HSD17B2: variants seen among roughly 807,000 people sequenced by gnomAD.
HSD17B2 encodes the protein hydroxysteroid 17-beta dehydrogenase 2, also known as 17-beta-hydroxysteroid dehydrogenase type 2.
In HSD17B2, 32 loss-of-function variants were observed where a neutral mutation model predicts 26.9. The observed-to-expected ratio is 1.19, with a 90% CI of 0.90 to 1.60. The LOEUF (loss-of-function observed/expected upper bound fraction) is 1.60. HSD17B2 is among the 40% of genes most tolerant of loss of function. The probability of loss-of-function intolerance (pLI) is 0.00; values close to 1 mark genes in which losing one functional copy is unlikely to be tolerated. For missense variants in HSD17B2, 613 were observed against 468.6 expected (o/e 1.31, Z -2.85); for synonymous variants, 246 against 186.7 (o/e 1.32, Z -2.59).
At chr16:82,068,122 C>T (rs1914613774) in intron 1 of HSD17B2, 48 bp from the exon 2 acceptor site, 3 of 1,464,430 alleles carry the variant, frequency 2.0e-6, no homozygotes, top group Admixed American at 1.7e-5. Flanking sequence ...ATATTTTCTC[C>T]TGTCACTCTG....
Position 82,035,579 on chromosome 16 carries a change from T to G in HSD17B2, c.155T>G (p.Leu52Arg). The G allele has an allele frequency of 6.2e-7, 1 of 1,614,096 alleles. No homozygotes were observed. The highest frequency in any genetic ancestry group is 8.5e-7 in the Non-Finnish European group (1 of 1,180,044). The part of the protein sequence containing the change: ...AGLCAVCLLI[L>R]SPFWGLILFS... Reference sequence around the variant, plus strand: ...CTCTGTGCAGTCTGCCTGCTCATCCTGTCCCCTTTTTGGGGCTTGATCCTC... The same window carrying G: ...CTCTGTGCAGTCTGCCTGCTCATCCGGTCCCCTTTTTGGGGCTTGATCCTC... The change falls in exon 1 of 5, where the codon CTG (leucine) becomes CGG (arginine). Residue 52 changes from leucine (L) to arginine (R), a missense_variant. Leu to Arg is a moderately radical substitution (Grantham distance 102). Coordinates refer to ENST00000199936, the MANE Select transcript of HSD17B2 (RefSeq NM_002153.3).
intron 3 of HSD17B2, among the ~76,000 whole-genome samples, chr16:82,076,268 T>C (rs1282037171): frequency 2.0e-5 from 3 of 152,132 alleles, no homozygotes; most frequent in Non-Finnish European, 4.4e-5. Flanking sequence ...ACAATAGACC[T>C]ATAGCTACTG....
At chr16:82,038,916 C>T (rs1913692944) in intron 1 of HSD17B2, among the ~76,000 whole-genome samples, 1 of 152,110 alleles carries the variant, frequency 6.6e-6, no homozygotes. Context: ...AGTCTTTATG[C>T]CTTCACACCA....
chr16:82,042,366 G>A (rs1597118857), intron 1 of HSD17B2, among the ~76,000 whole-genome samples: 1 of 151,960 alleles, frequency 6.6e-6, no homozygotes, highest in Non-Finnish European at 1.5e-5. Flanking sequence ...GTGCTGGGAT[G>A]ACAGGCGTGA....
rs1174914507 is a variant in HSD17B2 at position 82,045,142 on chromosome 16, A to AAG, written c.265+9459_265+9460dup. The stretch of plus-strand genomic sequence containing the variant: ...TGTCCAAAAAAAAAAAAAAAAAAAA[A>AAG]AGAGAGAAAAAAGAAAAGAAAATCA... On this transcript the variant is annotated intron_variant, in intron 1 of 4. Coordinates refer to ENST00000199936, the MANE Select transcript of HSD17B2 (RefSeq NM_002153.3). Among the ~76,000 whole-genome samples the AAG allele has an allele frequency of 4.0e-5, 6 of 150,624 alleles. No individual in the cohort carries two copies. In the East Asian group the frequency reaches 5.8e-4, roughly 15 times the overall value.
intron 1 of HSD17B2, among the ~76,000 whole-genome samples, chr16:82,064,029 C>T (rs1914513787): frequency 6.6e-6 from 1 of 152,126 alleles, no homozygotes; most frequent in Non-Finnish European, 1.5e-5. Context: ...TGAGCTGTTT[C>T]CCAGAACACA....
In HSD17B2 at chr16:82,039,903, C is replaced by T. The variant is rs7185224; in HGVS notation, c.265+4214C>T. 2.0e-3 allele frequency among the ~76,000 whole-genome samples: 312 copies of T among 152,218 alleles called. 2 individuals are homozygous for T. The highest frequency in any genetic ancestry group is 8.5e-3 in the South Asian group (41 of 4,814). ...GAAACCTCCAGGTTCATTCCCAAAG[C>T]GGATCCCAGGCAGACACAGGTCTTG... On this transcript the variant is annotated intron_variant, in intron 1 of 4. Coordinates refer to ENST00000199936, the MANE Select transcript of HSD17B2 (RefSeq NM_002153.3).
At chr16:82,084,913 G>A (rs759850009) in intron 3 of HSD17B2, among the ~76,000 whole-genome samples, 2 of 152,128 alleles carry the variant, frequency 1.3e-5, no homozygotes, top group African/African-American at 4.8e-5. Flanking sequence ...TTTTTGCCAT[G>A]GGGTCTCACT....
At chr16:82,078,959 G>C (rs960742025) in intron 3 of HSD17B2, among the ~76,000 whole-genome samples, 1 of 152,202 alleles carries the variant, frequency 6.6e-6, no homozygotes, top group African/African-American at 2.4e-5. Context: ...TGTACTATTT[G>C]ATAGCACAAC....
At chr16:82,036,485 A>C (rs1488214399) in intron 1 of HSD17B2, among the ~76,000 whole-genome samples, 1 of 151,894 alleles carries the variant, frequency 6.6e-6, no homozygotes, top group African/African-American at 2.4e-5. Context: ...CCTAACCCAG[A>C]AAGCCCTACC....
At chr16:82,048,432 A>G (rs1194834849) in intron 1 of HSD17B2, among the ~76,000 whole-genome samples, 2 of 152,368 alleles carry the variant, frequency 1.3e-5, no homozygotes, top group Non-Finnish European at 2.9e-5. Context: ...GTGCAAAGGC[A>G]GCAAGGAGAT....
chr16:82,066,712 T>A (rs377566624), intron 1 of HSD17B2, among the ~76,000 whole-genome samples: 1 of 152,136 alleles, frequency 6.6e-6, no homozygotes. Context: ...TCCTTCTTTT[T>A]TGCATTAAAA....
chr16:82,046,671 C>G (rs923542977), intron 1 of HSD17B2, among the ~76,000 whole-genome samples: 3 of 147,334 alleles, frequency 2.0e-5, no homozygotes, highest in African/African-American at 8.1e-5. Context: ...TTGCAGTGAG[C>G]TGATAATGGA....
intron 3 of HSD17B2, among the ~76,000 whole-genome samples, chr16:82,081,512 C>T (rs1394438718): frequency 6.6e-6 from 1 of 152,178 alleles, no homozygotes; most frequent in African/African-American, 2.4e-5. Flanking sequence ...TTGGGTGACA[C>T]TCCTGGAAAA....
chr16:82,058,290 C>A (rs1391054496), intron 1 of HSD17B2, among the ~76,000 whole-genome samples: 1 of 151,984 alleles, frequency 6.6e-6, no homozygotes, highest in Non-Finnish European at 1.5e-5. Flanking sequence ...AGGCTAGTCT[C>A]AAACTCCTGG....
intron 1 of HSD17B2, among the ~76,000 whole-genome samples, chr16:82,067,181 T>C (rs1035249227): frequency 6.6e-6 from 1 of 152,214 alleles, no homozygotes; most frequent in Non-Finnish European, 1.5e-5. Flanking sequence ...TGTACTCTGA[T>C]TTTCCTTATT....
At chr16:82,047,964 G>A (rs755317249) in intron 1 of HSD17B2, among the ~76,000 whole-genome samples, 3 of 152,212 alleles carry the variant, frequency 2.0e-5, no homozygotes, top group African/African-American at 7.2e-5. Flanking sequence ...TAGGTCTTGC[G>A]AGACTGAGGA....
At chr16:82,059,681 A>T (rs1914377699) in intron 1 of HSD17B2, among the ~76,000 whole-genome samples, 1 of 152,174 alleles carries the variant, frequency 6.6e-6, no homozygotes, top group African/African-American at 2.4e-5. Flanking sequence ...AATGAAGGTG[A>T]AGACAGGTAG....
intron 3 of HSD17B2, among the ~76,000 whole-genome samples, chr16:82,083,973 G>T (rs1006483892): frequency 6.6e-6 from 1 of 152,152 alleles, no homozygotes; most frequent in Non-Finnish European, 1.5e-5. Context: ...TCTCTTTGAG[G>T]CCTAAAGTCG....
Sources: allele counts gnomAD v4.1 joint callset (sites outside exome capture counted in the v4.1 genomes callset), GRCh38; gene constraint gnomAD v4.1.1; transcripts MANE v1.5; gene names NCBI Gene and HGNC (gene_info 2026-07-23, HGNC 2026-07-21).